DLGAP2: variants seen among roughly 807,000 people sequenced by gnomAD.
The protein encoded by DLGAP2 is disks large-associated protein 2.
A neutral mutation model predicts 100.3 loss-of-function variants in DLGAP2; 26 were observed. The observed-to-expected ratio is 0.26, with a 90% confidence interval of 0.19 to 0.36. DLGAP2 has a LOEUF of 0.36. Ranked by LOEUF, DLGAP2 falls within the 10% of genes least tolerant of loss-of-function variation. The probability of loss-of-function intolerance (pLI) is 1.00; values close to 1 mark genes in which losing one functional copy is unlikely to be tolerated. For synonymous variants in DLGAP2, 886 were observed against 630.1 expected (o/e 1.41, Z -6.08); for missense variants, 1,858 against 1,453.2 (o/e 1.28, Z -4.53).
chr8:994,688 T>C (rs1945864809), intron 2 of DLGAP2, among the ~76,000 whole-genome samples: 1 of 152,166 alleles, frequency 6.6e-6, no homozygotes, highest in South Asian at 2.1e-4. Context: ...CTCAGCTCTG[T>C]AGGAGATGGC....
intron 2 of DLGAP2, among the ~76,000 whole-genome samples, chr8:1,204,103 C>G (rs1464562940): frequency 6.6e-6 from 1 of 152,254 alleles, no homozygotes. Context: ...GACCTGAATT[C>G]TGCATCTCTG....
At chr8:894,843 A>C (rs113752776) in intron 1 of DLGAP2, among the ~76,000 whole-genome samples, 1 of 3,432 alleles carries the variant, frequency 2.9e-4, no homozygotes, top group Non-Finnish European at 5.0e-4. Context: ...AACAGAGTGG[A>C]GGCTGGCAGG....
chr8:1,216,766 C>T (rs991771410), intron 2 of DLGAP2, among the ~76,000 whole-genome samples: 4 of 152,244 alleles, frequency 2.6e-5, no homozygotes, highest in Non-Finnish European at 5.9e-5. Context: ...CTTCCCCCAC[C>T]AAAAATCTCA....
rs141807726 is a variant in DLGAP2 at position 1,284,380 on chromosome 8, C to G, written c.106+25497C>G. ...TTCAGAGGAACCCATTAAAATGATC[C>G]CATCAGTAATTGAGGTGCAGCACGG... On this transcript the variant is annotated intron_variant, in intron 3 of 14. Coordinates refer to ENST00000637795, the MANE Select transcript of DLGAP2 (RefSeq NM_001346810.2). Among the ~76,000 whole-genome samples the G allele has an allele frequency of 6.7e-3, 1,023 of 152,144 alleles. 6 individuals are homozygous for G. Among genetic ancestry groups the G allele is most frequent in the South Asian group, 0.031 (149 of 4,804 alleles).
chr8:1,510,622 G>T (rs1171374452), intron 4 of DLGAP2, among the ~76,000 whole-genome samples: 1 of 152,194 alleles, frequency 6.6e-6, no homozygotes, highest in African/African-American at 2.4e-5. Flanking sequence ...CAAACATGAA[G>T]GTCACAGGAC....
intron 2 of DLGAP2, among the ~76,000 whole-genome samples, chr8:1,188,116 C>T (rs1431611332): frequency 2.1e-5 from 3 of 141,496 alleles, no homozygotes; most frequent in African/African-American, 5.6e-5. Context: ...ACCTCCGTGA[C>T]ATTTGCCTCA....
chr8:1,521,016 G>A (rs1276466983), intron 4 of DLGAP2, among the ~76,000 whole-genome samples: 1 of 152,206 alleles, frequency 6.6e-6, no homozygotes, highest in Admixed American at 6.5e-5. Context: ...CCGGCGTGTG[G>A]TACTGTTGGG....
Position 1,275,596 on chromosome 8 carries a change from C to G in DLGAP2, c.106+16713C>G, listed in dbSNP as rs539470093. On this transcript the variant is annotated intron_variant, in intron 3 of 14. Transcript: ENST00000637795. ...TCTTCACAAAGACAAAAAGATAATG[C>G]AAAACCTCTATTTGTAAGAAGTTTA... 4.6e-5 allele frequency among the ~76,000 whole-genome samples: 7 copies of G among 150,670 alleles called. No individual in the cohort carries two copies. The East Asian group carries it at 1.2e-3, about 25-fold the overall frequency.
chr8:924,993 G>T (rs1358934900), intron 2 of DLGAP2, among the ~76,000 whole-genome samples: 2 of 152,060 alleles, frequency 1.3e-5, no homozygotes, highest in African/African-American at 4.8e-5. Context: ...GTGGGTGATT[G>T]CTTGCTATTG....
intron 6 of DLGAP2, among the ~76,000 whole-genome samples, chr8:1,576,645 A>G (rs566413383): frequency 7.9e-5 from 12 of 152,320 alleles, no homozygotes; most frequent in South Asian, 4.1e-4. Flanking sequence ...TAATTTTAGT[A>G]TAAGGTGTAA....
chr8:1,273,209 A>T (rs4976870), intron 3 of DLGAP2, among the ~76,000 whole-genome samples: 119,930 of 152,028 alleles, frequency 0.79, 47,630 homozygotes, highest in South Asian at 0.86. Flanking sequence ...GGGCCCTCCC[A>T]CCAGCCACAA....
chr8:1,080,551 C>T (rs752898284), intron 2 of DLGAP2, among the ~76,000 whole-genome samples: 3 of 152,186 alleles, frequency 2.0e-5, no homozygotes, highest in Admixed American at 6.5e-5. Flanking sequence ...TGTGCTCGCA[C>T]GTCTGAAGTG....
chr8:1,672,923 G>T (rs1798727003), intron 10 of DLGAP2, among the ~76,000 whole-genome samples: 1 of 152,214 alleles, frequency 6.6e-6, no homozygotes. Flanking sequence ...TTGGCACCCT[G>T]GCCCAGTATT....
At chr8:1,631,496 T>C (rs1322480287) in intron 7 of DLGAP2, among the ~76,000 whole-genome samples, 1 of 152,186 alleles carries the variant, frequency 6.6e-6, no homozygotes, top group African/African-American at 2.4e-5. Context: ...TCCAAGCCAG[T>C]GTGCATGCTT....
intron 2 of DLGAP2, among the ~76,000 whole-genome samples, chr8:968,170 C>G (rs1042231508): frequency 1.3e-5 from 2 of 151,974 alleles, no homozygotes; most frequent in African/African-American, 4.8e-5. Flanking sequence ...TATGTTGTAA[C>G]TTGGGAATAT....
intron 2 of DLGAP2, among the ~76,000 whole-genome samples, chr8:1,227,221 ATTTGTT>A (rs2116825794): frequency 7.4e-6 from 1 of 135,478 alleles, no homozygotes; most frequent in African/African-American, 3.2e-5. Flanking sequence ...TTATATATAT[ATTTGTT>A]TTATACACAC....
At chr8:1,361,810 A>T (rs1215363577) in intron 3 of DLGAP2, among the ~76,000 whole-genome samples, 1 of 152,224 alleles carries the variant, frequency 6.6e-6, no homozygotes, top group Non-Finnish European at 1.5e-5. Flanking sequence ...CCGTGAGTCA[A>T]ATTCTAAGAG....
intron 2 of DLGAP2, among the ~76,000 whole-genome samples, chr8:953,936 A>G (rs1449649032): frequency 6.6e-6 from 1 of 152,192 alleles, no homozygotes; most frequent in African/African-American, 2.4e-5. Context: ...ACTCTTTTTA[A>G]ACTGCAAGTG....
chr8:1,121,486 T>A (rs915868686), intron 2 of DLGAP2, among the ~76,000 whole-genome samples: 2 of 151,976 alleles, frequency 1.3e-5, no homozygotes, highest in African/African-American at 4.8e-5. Flanking sequence ...CTAGAACCCA[T>A]GACCTCCCAT....
Sources: gnomAD v4.1 joint callset for allele counts (sites outside exome capture counted in the v4.1 genomes callset) on GRCh38, gnomAD v4.1.1 for gene constraint, MANE v1.5 for transcripts, NCBI Gene and HGNC (gene_info 2026-07-23, HGNC 2026-07-21) for gene names.